The following PGAM5 variants were observed in gnomAD, a reference collection of about 807,000 sequenced individuals.
PGAM5 encodes serine/threonine-protein phosphatase PGAM5, mitochondrial.
In PGAM5, 25 loss-of-function variants were observed where a neutral mutation model predicts 30.6. The ratio of observed to expected loss-of-function variants is 0.82; its 90% CI spans 0.60 to 1.14. PGAM5 has a LOEUF of 1.14. PGAM5 is among the 50% of genes most tolerant of loss of function. The probability of loss-of-function intolerance (pLI) is 0.00; values close to 1 mark genes in which losing one functional copy is unlikely to be tolerated. For synonymous variants in PGAM5, 201 were observed against 179.1 expected, an observed-to-expected ratio of 1.12 and a Z score of -0.98; for missense variants, 384 against 408.5, an observed-to-expected ratio of 0.94 and a Z score of 0.52.
At chr12:132,712,857 C>T (rs556397888) in intron 1 of PGAM5, among the ~76,000 whole-genome samples, 2 of 152,126 alleles carry the variant, frequency 1.3e-5, no homozygotes, top group South Asian at 2.1e-4. Context: ...TTTACTCTGC[C>T]GTTAAAGAAC....
chr12:132,717,897 G>A (rs995404804), intron 4 of PGAM5, 90 bp from the exon 5 acceptor site: 38 of 1,598,404 alleles, frequency 2.4e-5, no homozygotes, highest in South Asian at 1.6e-4. Context: ...GCCGTCCCAC[G>A]GGCTTCCCCG....
rs550859132 is a variant in PGAM5, at chr12:132,719,853, T to A, written c.720-825T>A. ...AGGCAACTCCGAGCTTTTCCGCAAA[T>A]GCGAATTGTGCCTAAGAAGTGCATG... On this transcript the variant is annotated intron_variant, in intron 5 of 5. Coordinates refer to ENST00000498926, the MANE Select transcript of PGAM5 (RefSeq NM_001170543.2). Among the ~76,000 whole-genome samples the A allele has an allele frequency of 2.6e-5, 4 of 152,280 alleles. No homozygotes were observed. The East Asian group carries it at 5.8e-4, about 22-fold the overall frequency.
In PGAM5 at chr12:132,722,438, T is replaced by TG. The variant is rs1238437803; in HGVS notation, c.*1614dup. 1 of 151,556 alleles carries TG rather than the reference T, an allele frequency of 6.6e-6. No individual in the cohort carries two copies. The highest frequency in any genetic ancestry group is 2.4e-5 in the African/African-American group (1 of 41,234). The allele number at this position is 151,556 out of a possible 1,614,324, so 9.4% of individuals were successfully genotyped here. ...GCTAATTTTTTATTTTTAGTAGAGA[T>TG]GGGGTTTCACCGTGTTGGCCAGGCT... On this transcript the variant is annotated 3_prime_UTR_variant, in exon 6 of 6. Transcript: ENST00000498926.
chr12:132,715,138 G>A (rs566262897), intron 2 of PGAM5, 102 bp downstream of exon 2: 41 of 1,250,166 alleles, frequency 3.3e-5, no homozygotes, highest in Non-Finnish European at 3.8e-5. Flanking sequence ...GTCCTCCGCC[G>A]ACCCCCTTGG....
intron 2 of PGAM5, among the ~76,000 whole-genome samples, chr12:132,716,019 A>G (rs1222378742): frequency 6.6e-6 from 1 of 152,062 alleles, no homozygotes. Flanking sequence ...TCGGCTGCTC[A>G]CCTGGACCTG....
chr12:132,718,614 G>T, intron 5 of PGAM5: 1 of 689,494 alleles, frequency 1.5e-6, no homozygotes, highest in Non-Finnish European at 2.5e-6. Context: ...GGTGTCCTGG[G>T]TGGGGTGCGT....
chr12:132,713,638 C>T (rs1030261715), intron 1 of PGAM5, among the ~76,000 whole-genome samples: 3 of 152,176 alleles, frequency 2.0e-5, no homozygotes, highest in Admixed American at 6.5e-5. Flanking sequence ...CCAGCAGGTT[C>T]GACTTTTGCT....
intron 2 of PGAM5, among the ~76,000 whole-genome samples, chr12:132,716,073 G>C (rs954970368): frequency 2.0e-5 from 3 of 151,916 alleles, no homozygotes; most frequent in African/African-American, 7.2e-5. Context: ...TCACAGGCCT[G>C]ATGCCTGGCG....
At position 132,721,024 on chromosome 12, in the gene PGAM5, C is replaced by T. The variant is rs1173075146; in HGVS notation, c.*196C>T. On this transcript the variant is annotated 3_prime_UTR_variant, in exon 6 of 6. Transcript: ENST00000498926. ...CAGGGTTTTATACCTGACCATGAAC[C>T]CCCAGGATGGCGTGGGGTTTAAGGT... 1.3e-5 allele frequency: 8 copies of T among 636,352 alleles called. No individual in the cohort carries two copies. In the East Asian group the frequency reaches 2.5e-4, roughly 20 times the overall value. 39.4% of individuals were successfully genotyped at this position (636,352 alleles called of 1,614,324 possible).
Position 132,717,995 on chromosome 12 carries a change from C to T in PGAM5, c.594C>T (p.Tyr198=), listed in dbSNP as rs35063557. ...CCTCACTCTGCCCCCAGCAGTATTACGAAGACGGAGCCCGGATCGAGGCCG... is the reference window on the plus strand; with the variant it reads ...CCTCACTCTGCCCCCAGCAGTATTATGAAGACGGAGCCCGGATCGAGGCCG... ...SHWKPEAVQY[Y]EDGARIEAAF... The change falls in exon 5 of 6, where the codon TAC becomes TAT. Residue 198 remains tyrosine (Y), a synonymous_variant. Transcript: ENST00000498926. 990 of 1,612,736 alleles carry T rather than the reference C, an allele frequency of 6.1e-4. 5 individuals are homozygous for T. The African/African-American group carries it at 0.01, about 16-fold the overall frequency.
Position 132,718,247 on chromosome 12 carries a change from G to A in PGAM5, c.719+127G>A, listed in dbSNP as rs905330572. On this transcript the variant is annotated intron_variant, in intron 5 of 5. Coordinates refer to ENST00000498926, the MANE Select transcript of PGAM5 (RefSeq NM_001170543.2). Reference sequence around the variant, plus strand: ...CCTAGTCAGGCCTCACCAGCCCCCGGGCGTCCACTTCCCGCGAGTCCTAGT... The same window carrying A: ...CCTAGTCAGGCCTCACCAGCCCCCGAGCGTCCACTTCCCGCGAGTCCTAGT... 6.8e-5 allele frequency: 84 copies of A among 1,228,272 alleles called. 1 individual carries two copies. The East Asian group carries it at 1.1e-3, about 17-fold the overall frequency. 76.1% of individuals were successfully genotyped at this position (1,228,272 alleles called of 1,614,324 possible).
At position 132,717,811 on chromosome 12, in the gene PGAM5, C is replaced by A. The variant is rs199608250; in HGVS notation, c.585+13C>A. The A allele has an allele frequency of 2.6e-4, 408 of 1,579,078 alleles. 3 individuals carry two copies. The African/African-American group carries it at 4.8e-3, about 19-fold the overall frequency. ...GCCGGAAGCTGTGGTAAAAACCTCC[C>A]CGGGGGGCAGCTGTGTCACCCTCGC... On this transcript the variant is annotated intron_variant, in intron 4 of 5. Coordinates refer to ENST00000498926, the MANE Select transcript of PGAM5 (RefSeq NM_001170543.2).
chr12:132,720,465 G>A (rs1045999051), intron 5 of PGAM5, among the ~76,000 whole-genome samples: 2 of 152,012 alleles, frequency 1.3e-5, no homozygotes, highest in Non-Finnish European at 2.9e-5. Context: ...CTGCTATCAC[G>A]CCCAGCTAAT....
chr12:132,721,992 T>C lies in PGAM5; in HGVS notation c.*1164T>C, dbSNP rs1206325968. 6.6e-6 allele frequency: 1 copy of C among 152,162 alleles called. No homozygotes were observed. Among genetic ancestry groups the C allele is most frequent in the South Asian group, 2.1e-4 (1 of 4,824 alleles). 9.4% of individuals were successfully genotyped at this position (152,162 alleles called of 1,614,324 possible). A position where few individuals can be genotyped will look rare whatever the true frequency, so the allele number is the denominator to read the frequency against. On this transcript the variant is annotated 3_prime_UTR_variant, in exon 6 of 6. Coordinates refer to ENST00000498926, the MANE Select transcript of PGAM5 (RefSeq NM_001170543.2). The stretch of plus-strand genomic sequence containing the variant: ...TTTCCTGATGATGTTGGGTCTGAAC[T>C]CACCAACTTGATTAGGTCTTTAGGG...
intron 1 of PGAM5, among the ~76,000 whole-genome samples, chr12:132,712,212 A>G (rs2043530107): frequency 6.6e-6 from 1 of 152,232 alleles, no homozygotes; most frequent in East Asian, 1.9e-4. Context: ...ACTGTTAACT[A>G]AGGTTCATGT....
At chr12:132,717,259 G>A (rs765832313) in intron 2 of PGAM5, among the ~76,000 whole-genome samples, 180 bp from the exon 3 acceptor site, 16 of 151,292 alleles carry the variant, frequency 1.1e-4, no homozygotes, top group Admixed American at 4.6e-4. Flanking sequence ...GCCATCGGCT[G>A]AGCTTGCTGA....
chr12:132,719,130 G>A (rs2043618504), intron 5 of PGAM5: 3 of 1,331,632 alleles, frequency 2.3e-6, no homozygotes, highest in African/African-American at 3.0e-5. Context: ...CAGTCAGAAG[G>A]GTTGGCCAAA....
rs1235295132 is a variant in PGAM5, at chr12:132,714,967, T to C, written c.301T>C (p.Phe101Leu). Residue 101 changes from phenylalanine (F) to leucine (L), a missense_variant, in exon 2 of 6, where the codon TTC (phenylalanine) becomes CTC (leucine). By Grantham distance (22) the Phe-to-Leu change is conservative. Coordinates refer to ENST00000498926, the MANE Select transcript of PGAM5 (RefSeq NM_001170543.2). ...CAAAGCCAAGGCCACGCGGCACATC[T>C]TCCTCATCAGGCATTCCCAGTACCA... ...HYKAKATRHI[F>L]LIRHSQYHVD... 1.9e-6 allele frequency: 3 copies of C among 1,613,512 alleles called. No homozygotes were observed. The Admixed American group carries it at 5.0e-5, about 27-fold the overall frequency.
At position 132,717,792 on chromosome 12, in the gene PGAM5, A is replaced by G; in HGVS notation, c.579A>G (p.Glu193=). ...PDPPVSHWKP[E]AVQYYEDGAR... is the part of the protein sequence containing the mutation. ...CGCCCGTGTCTCATTGGAAGCCGGA[A>G]GCTGTGGTAAAAACCTCCCCGGGGG... Residue 193 remains glutamate (E), a synonymous_variant, in exon 4 of 6, where the codon GAA becomes GAG. Transcript: ENST00000498926. 1 of 1,585,628 alleles carries G rather than the reference A, an allele frequency of 6.3e-7. No individual in the cohort carries two copies. Among genetic ancestry groups the G allele is most frequent in the Non-Finnish European group, 8.6e-7 (1 of 1,166,082 alleles).
Sources: gnomAD v4.1 joint callset for allele counts (sites outside exome capture counted in the v4.1 genomes callset) on GRCh38, gnomAD v4.1.1 for gene constraint, MANE v1.5 for transcripts, NCBI Gene and HGNC (gene_info 2026-07-23, HGNC 2026-07-21) for gene names.